The following LRP2 variants were observed in gnomAD, a reference collection of about 807,000 sequenced individuals.
LRP2 encodes low-density lipoprotein receptor-related protein 2.
In LRP2, 172 loss-of-function variants were observed where a neutral mutation model predicts 531.0. That is an observed-to-expected ratio of 0.32 (90% CI 0.29 to 0.37). The LOEUF is 0.37. Among genes scored for constraint, LRP2 ranks in the 10% least tolerant of loss-of-function variants. The pLI is 1.00. For missense variants in LRP2, 5,167 were observed against 5,868.3 expected, an observed-to-expected ratio of 0.88 and a Z score of 3.90; for synonymous variants, 1,992 against 2,027.6, an observed-to-expected ratio of 0.98 and a Z score of 0.47.
intron 1 of LRP2, among the ~76,000 whole-genome samples, chr2:169,328,320 C>G (rs1403438577): frequency 7.3e-6 from 1 of 137,606 alleles, no homozygotes; most frequent in Admixed American, 7.1e-5. Context: ...CCAGACGCCC[C>G]GTCCGGGAGG....
intron 12 of LRP2, among the ~76,000 whole-genome samples, chr2:169,278,483 C>CAA (rs879544634): frequency 6.8e-6 from 1 of 146,012 alleles, no homozygotes; most frequent in Admixed American, 6.8e-5. Flanking sequence ...GAACCTGTCT[C>CAA]AAAAAAAAAA....
chr2:169,298,189 A>C (rs1684182152), intron 4 of LRP2, among the ~76,000 whole-genome samples: 1 of 126,686 alleles, frequency 7.9e-6, no homozygotes, highest in Non-Finnish European at 1.8e-5. Context: ...AAAGTTAAAC[A>C]AGCAATCATC....
In LRP2 at chr2:169,205,490, C is replaced by T. The variant is rs1688344483; in HGVS notation, c.7704G>A (p.Val2568=). The T allele has an allele frequency of 6.2e-7, 1 of 1,614,084 alleles. No homozygotes were observed. Among genetic ancestry groups the T allele is most frequent in the Non-Finnish European group, 8.5e-7 (1 of 1,180,002 alleles). The change falls in exon 41 of 79, where the codon GTG becomes GTA. Residue 2568 remains valine, a synonymous_variant. Transcript: ENST00000649046. ...CCAGAGACACCTACAGACTAGCATCCACCCAGTAGAGAAGGTCCTCTTCAT... is the reference window on the plus strand; with the variant it reads ...CCAGAGACACCTACAGACTAGCATCTACCCAGTAGAGAAGGTCCTCTTCAT... The part of the protein sequence containing the change: ...LDYEEDLLYW[V]DASLQRIERS...
Position 169,261,521 on chromosome 2 carries a change from C to CA in LRP2, c.2321-2305dup, listed in dbSNP as rs34719462. ...TTCCTGCATATACTGTGTACTCATT[C>CA]AAAAAAAAAAAAAAGAACAATGTAA... On this transcript the variant is annotated intron_variant, in intron 16 of 78. Coordinates refer to ENST00000649046, the MANE Select transcript of LRP2 (RefSeq NM_004525.3). 5.8e-3 allele frequency among the ~76,000 whole-genome samples: 748 copies of CA among 129,614 alleles called. 5 individuals are homozygous for CA. Among genetic ancestry groups the CA allele is most frequent in the Middle Eastern group, 0.016 (4 of 250 alleles). The allele number at this position is 129,614 out of a possible 152,430, so 85.0% of individuals were successfully genotyped here.
chr2:169,316,024 C>T (rs918181968), intron 3 of LRP2, among the ~76,000 whole-genome samples: 14 of 149,886 alleles, frequency 9.3e-5, no homozygotes. Context: ...CCCGTAGTCC[C>T]AGCTACTCTG....
At position 169,282,861 on chromosome 2, in the gene LRP2, T is replaced by C; in HGVS notation, c.1171+12A>G. On this transcript the variant is annotated intron_variant, in intron 10 of 78. Transcript: ENST00000649046. ...CACTGTTCAGAGACACAGGTGTCCA[T>C]AATTTACTCACAGGAATCATTAGCT... is the stretch of plus-strand genomic sequence containing the variant. 6.2e-7 allele frequency: 1 copy of C among 1,613,412 alleles called. No individual in the cohort carries two copies. Among genetic ancestry groups the C allele is most frequent in the East Asian group, 2.2e-5 (1 of 44,862 alleles).
intron 16 of LRP2, among the ~76,000 whole-genome samples, chr2:169,262,238 TG>T (rs1690587832): frequency 6.8e-6 from 1 of 146,468 alleles, no homozygotes; most frequent in South Asian, 2.3e-4. Context: ...TTGGAAATTC[TG>T]GCCAGGCCAA....
intron 10 of LRP2, among the ~76,000 whole-genome samples, chr2:169,281,438 A>G (rs1683701808): frequency 1.3e-5 from 2 of 151,600 alleles, no homozygotes; most frequent in Admixed American, 6.6e-5. Flanking sequence ...TAAATAAATA[A>G]GGCCGGATGC....
chr2:169,241,354 G>A lies in LRP2; in HGVS notation c.3679C>T (p.Pro1227Ser), dbSNP rs751177374. Reference protein sequence around the residue: ...SDEAGCPTRPPGMCHSDEFQC... With the variant: ...SDEAGCPTRPSGMCHSDEFQC... The stretch of plus-strand genomic sequence containing the variant: ...AATTCATCTGAGTGGCACATACCAG[G>A]AGGCCTGGTTGCTAGAAGGAAAACA... The change falls in exon 25 of 79, where the codon CCT becomes TCT. Residue 1227 changes from proline to serine, a missense_variant. Physicochemically the swap from Pro to Ser is moderately conservative, Grantham distance 74 (BLOSUM62 -1). Around this residue, in one of 6 missense-constraint regions of LRP2, gnomAD observed 2,811 missense variants for 3,058.0 expected, o/e 0.92. Transcript: ENST00000649046. 2.5e-6 allele frequency: 4 copies of A among 1,614,170 alleles called. No homozygotes were observed. The highest frequency in any genetic ancestry group is 2.2e-5 in the South Asian group (2 of 91,084).
chr2:169,248,656 C>T (rs1014219114), intron 19 of LRP2, among the ~76,000 whole-genome samples: 6 of 123,950 alleles, frequency 4.8e-5, no homozygotes, highest in African/African-American at 2.1e-4. Context: ...ATAGGAACAG[C>T]TCCGGTCTAC....
chr2:169,167,866 TAA>T (rs1344121484), intron 61 of LRP2, among the ~76,000 whole-genome samples: 7 of 151,296 alleles, frequency 4.6e-5, no homozygotes, highest in African/African-American at 1.7e-4. Context: ...AGAAGCCTTT[TAA>T]AAATACGTAT....
At chr2:169,259,331 CAT>C (rs923012218) in intron 16 of LRP2, 114 bp from the exon 17 acceptor site, 25 of 500,898 alleles carry the variant, frequency 5.0e-5, no homozygotes, top group Middle Eastern at 5.3e-4. Flanking sequence ...TTCAGGAACA[CAT>C]GTGGAATTCT....
chr2:169,148,741 G>A (rs1195240171), intron 68 of LRP2, among the ~76,000 whole-genome samples: 1 of 152,136 alleles, frequency 6.6e-6, no homozygotes, highest in East Asian at 1.9e-4. Context: ...AAGGTACACA[G>A]AATGATTTTT....
At chr2:169,352,256 G>C (rs1685870529) in intron 1 of LRP2, among the ~76,000 whole-genome samples, 1 of 152,118 alleles carries the variant, frequency 6.6e-6, no homozygotes. Flanking sequence ...ATACAATTAA[G>C]ACACAAACAG....
At position 169,282,902 on chromosome 2, in the gene LRP2, C is replaced by A; in HGVS notation, c.1142G>T (p.Arg381Leu). Residue 381 changes from arginine (R) to leucine (L), a missense_variant, in exon 10 of 79, where the codon CGT (arginine) becomes CTT (leucine). Arg to Leu is a moderately radical substitution (Grantham distance 102, BLOSUM62 -2). This residue lies in a region of LRP2 where 2,811 missense variants were observed against 3,058.0 expected (regional missense o/e 0.92). Coordinates refer to ENST00000649046, the MANE Select transcript of LRP2 (RefSeq NM_004525.3). ...CHCEEGYILE[R>L]GQYCKANDSF... ...ATCATTAGCTTTGCAATACTGTCCACGCTCCAAGATATACCCTTCTTCACA... is the reference window on the plus strand; with the variant it reads ...ATCATTAGCTTTGCAATACTGTCCAAGCTCCAAGATATACCCTTCTTCACA... 1 of 1,614,062 alleles carries A rather than the reference C, an allele frequency of 6.2e-7. No individual in the cohort carries two copies. The highest frequency in any genetic ancestry group is 2.2e-5 in the East Asian group (1 of 44,870).
Position 169,243,466 on chromosome 2 carries a change from C to A in LRP2, c.3487G>T (p.Asp1163Tyr). 6.2e-7 allele frequency: 1 copy of A among 1,614,092 alleles called. No individual in the cohort carries two copies. The highest frequency in any genetic ancestry group is 1.1e-5 in the South Asian group (1 of 91,060). Residue 1163 changes from aspartate to tyrosine, a missense_variant, in exon 23 of 79, where the codon GAC (aspartate) becomes TAC (tyrosine). Coordinates refer to ENST00000649046, the MANE Select transcript of LRP2 (RefSeq NM_004525.3). ...QFNCPNHRCI[D>Y]LSFVCDGDKD... The stretch of plus-strand genomic sequence containing the variant: ...TCACCATCACAGACAAACGATAGGT[C>A]AATACATCGATGATTGGGGCAATTA...
At chr2:169,176,634 T>C in intron 53 of LRP2, 46 bp from the exon 54 acceptor site, 1 of 1,547,676 alleles carries the variant, frequency 6.5e-7, no homozygotes, top group Non-Finnish European at 8.9e-7. Flanking sequence ...TGAAAGAGAG[T>C]ATCAAGCACA....
At chr2:169,240,292 G>A (rs1041476433) in intron 25 of LRP2, among the ~76,000 whole-genome samples, 1 of 152,150 alleles carries the variant, frequency 6.6e-6, no homozygotes, top group Non-Finnish European at 1.5e-5. Context: ...TACTTTCAGG[G>A]CCAAAATGAA....
intron 44 of LRP2, among the ~76,000 whole-genome samples, chr2:169,200,594 AG>A (rs1688172139): frequency 6.6e-6 from 1 of 152,208 alleles, no homozygotes; most frequent in Non-Finnish European, 1.5e-5. Context: ...TGAAGATCAA[AG>A]AGTTCAATAT....
Sources: allele counts gnomAD v4.1 joint callset (sites outside exome capture counted in the v4.1 genomes callset), GRCh38; gene constraint gnomAD v4.1.1; regional missense constraint gnomAD v4.1.1; transcripts MANE v1.5; gene names NCBI Gene and HGNC (gene_info 2026-07-23, HGNC 2026-07-21).